The following LRRC37A2 variants were observed in gnomAD, a reference collection of about 807,000 sequenced individuals.
LRRC37A2 encodes leucine-rich repeat-containing protein 37A2.
LRRC37A2 carries 9 observed loss-of-function variants against 68.8 expected under a neutral mutation model. The observed-to-expected ratio is 0.13, with a 90% CI of 0.08 to 0.23. The LOEUF (loss-of-function observed/expected upper bound fraction) is 0.23, where lower values mean the gene tolerates loss of function less well. Among genes scored for constraint, LRRC37A2 ranks in the 10% least tolerant of loss-of-function variants. LRRC37A2 has a pLI of 1.00. For synonymous variants in LRRC37A2, 63 were observed against 367.6 expected (o/e 0.17, Z 9.48); for missense variants, 168 against 950.4 (o/e 0.18, Z 10.82).
the LRRC37A2 span, among the ~76,000 whole-genome samples, chr17:46,428,961 A>AG: frequency 7.0e-5 from 8 of 114,366 alleles, no homozygotes; most frequent in African/African-American, 2.2e-4. Context: ...AAAAAAAAAA[A>AG]AAGAAGAAGA....
chr17:46,840,758 A>C, the LRRC37A2 span, among the ~76,000 whole-genome samples: 1 of 152,174 alleles, frequency 6.6e-6, no homozygotes, highest in Non-Finnish European at 1.5e-5. Context: ...ACCAGTGATG[A>C]TGAGCATTTT....
chr17:46,839,932 CTTTCTTTCTT>C, the LRRC37A2 span, among the ~76,000 whole-genome samples: 23 of 138,288 alleles, frequency 1.7e-4, no homozygotes, highest in Non-Finnish European at 3.2e-4. Context: ...TTCTTTCTTT[CTTTCTTTCTT>C]TCTTTCTTTC....
intron 3 of LRRC37A2, among the ~76,000 whole-genome samples, chr17:46,518,945 C>CT (rs1259964680): frequency 9.8e-6 from 1 of 101,860 alleles, no homozygotes; most frequent in African/African-American, 3.6e-5. Flanking sequence ...TGGCTCACGC[C>CT]TTTAATCCCA....
At chr17:46,583,206 C>T in the LRRC37A2 span, among the ~76,000 whole-genome samples, 5 of 65,696 alleles carry the variant, frequency 7.6e-5, no homozygotes, top group East Asian at 1.0e-3. Flanking sequence ...TCAGGTGATC[C>T]GCCCACCTCA....
chr17:46,898,044 G>A, the LRRC37A2 span, among the ~76,000 whole-genome samples: 1 of 152,150 alleles, frequency 6.6e-6, no homozygotes, highest in Non-Finnish European at 1.5e-5. Flanking sequence ...TGTCCTGGAG[G>A]AGGTTGTATG....
At chr17:46,957,842 C>A in the LRRC37A2 span, among the ~76,000 whole-genome samples, 1 of 152,206 alleles carries the variant, frequency 6.6e-6, no homozygotes, top group Admixed American at 6.5e-5. Context: ...ATGATCCAGA[C>A]ATCTCCATGG....
the LRRC37A2 span, among the ~76,000 whole-genome samples, chr17:47,013,569 T>A: frequency 1.3e-5 from 2 of 152,182 alleles, no homozygotes; most frequent in Non-Finnish European, 2.9e-5. Flanking sequence ...TGGTTCCCTG[T>A]TGTGTGGAAT....
the LRRC37A2 span, among the ~76,000 whole-genome samples, chr17:46,708,822 ATTTTTTTTTTT>A: frequency 9.2e-6 from 1 of 108,902 alleles, no homozygotes; most frequent in Non-Finnish European, 1.7e-5. Context: ...ATATATATAT[ATTTTTTTTTTT>A]TTTTTTTTTT....
At chr17:47,000,906 G>C in the LRRC37A2 span, among the ~76,000 whole-genome samples, 1 of 152,106 alleles carries the variant, frequency 6.6e-6, no homozygotes, top group Non-Finnish European at 1.5e-5. Context: ...AGGAGGTTGA[G>C]GCGGGTGGAT....
At chr17:47,006,234 C>G in the LRRC37A2 span, among the ~76,000 whole-genome samples, 1 of 152,234 alleles carries the variant, frequency 6.6e-6, no homozygotes, top group Middle Eastern at 3.4e-3. Context: ...CATATTTTCC[C>G]AGTCCTGTCC....
the LRRC37A2 span, among the ~76,000 whole-genome samples, chr17:46,747,182 G>A: frequency 6.6e-6 from 1 of 152,186 alleles, no homozygotes; most frequent in Non-Finnish European, 1.5e-5. Context: ...CCAGACACTT[G>A]AGGAAAGCCT....
chr17:47,012,578 T>C, the LRRC37A2 span, among the ~76,000 whole-genome samples: 1 of 151,992 alleles, frequency 6.6e-6, no homozygotes, highest in African/African-American at 2.4e-5. Flanking sequence ...TTTGGGAAAA[T>C]AGCTATTTTC....
chr17:46,541,615 C>G (rs573277940), intron 8 of LRRC37A2, among the ~76,000 whole-genome samples: 1 of 150,794 alleles, frequency 6.6e-6, no homozygotes, highest in Non-Finnish European at 1.5e-5. Context: ...ATCACTACAG[C>G]TGGCCCTCCA....
At chr17:46,766,420 A>T in the LRRC37A2 span, among the ~76,000 whole-genome samples, 1 of 151,922 alleles carries the variant, frequency 6.6e-6, no homozygotes, top group African/African-American at 2.4e-5. Flanking sequence ...AAAAAAAAAA[A>T]AGTTCTGCTG....
At chr17:46,970,551 A>C in the LRRC37A2 span, among the ~76,000 whole-genome samples, 3 of 151,720 alleles carry the variant, frequency 2.0e-5, no homozygotes, top group South Asian at 6.2e-4. Flanking sequence ...AAAAAAAAAA[A>C]AAAAAAAAAC....
the LRRC37A2 span, among the ~76,000 whole-genome samples, chr17:46,739,087 A>G: frequency 6.6e-6 from 1 of 151,066 alleles, no homozygotes; most frequent in Non-Finnish European, 1.5e-5. Context: ...AATACAAAAA[A>G]GTCCAGGCAC....
the LRRC37A2 span, among the ~76,000 whole-genome samples, chr17:46,943,547 C>T: frequency 6.6e-6 from 1 of 152,280 alleles, no homozygotes; most frequent in South Asian, 2.1e-4. Context: ...CAACCTCATA[C>T]TGCACGCTTC....
chr17:46,798,112 A>G, the LRRC37A2 span, among the ~76,000 whole-genome samples: 1 of 152,184 alleles, frequency 6.6e-6, no homozygotes, highest in Non-Finnish European at 1.5e-5. Flanking sequence ...TATTTTTAGT[A>G]GAGATGGGGC....
rs2667913 is a variant in LRRC37A2 at position 46,521,562 on chromosome 17, C to A, written c.2753+1279C>A. Among the ~76,000 whole-genome samples the A allele has an allele frequency of 1.3e-3, 81 of 60,212 alleles. 4 individuals carry two copies. Among genetic ancestry groups the A allele is most frequent in the African/African-American group, 4.3e-3 (76 of 17,864 alleles). The allele number at this position is 60,212 out of a possible 152,430, so 39.5% of individuals were successfully genotyped here. A position where few individuals can be genotyped will look rare whatever the true frequency, so the allele number is the denominator to read the frequency against. ...GTTTATGCTCAGAAGAAATGGGATA[C>A]AAAATAACTACATTAAGAAGAAGAA... is the stretch of plus-strand genomic sequence containing the variant. On this transcript the variant is annotated intron_variant, in intron 4 of 14. Transcript: ENST00000576629.
Sources: gnomAD v4.1 joint callset for allele counts (sites outside exome capture counted in the v4.1 genomes callset) on GRCh38, gnomAD v4.1.1 for gene constraint, MANE v1.5 for transcripts, NCBI Gene and HGNC (gene_info 2026-07-23, HGNC 2026-07-21) for gene names.